The following SCP2 variants were observed in gnomAD, a reference collection of about 807,000 sequenced individuals.
The protein encoded by SCP2 is sterol carrier protein 2.
SCP2 carries 48 observed loss-of-function variants against 71.4 expected under a neutral mutation model. That is an observed-to-expected ratio of 0.67 (90% CI 0.53 to 0.86). SCP2 has a LOEUF of 0.86. Among genes scored for constraint, SCP2 ranks in the 40% least tolerant of loss-of-function variants. SCP2 has a pLI of 0.00. For missense variants in SCP2, 560 were observed against 655.6 expected (o/e 0.85, Z 1.59); for synonymous variants, 220 against 218.1 (o/e 1.01, Z -0.08).
At chr1:52,998,725 C>G (rs1429630831) in intron 11 of SCP2, among the ~76,000 whole-genome samples, 1 of 152,116 alleles carries the variant, frequency 6.6e-6, no homozygotes, top group Non-Finnish European at 1.5e-5. Context: ...GTGCAGATTG[C>G]CAAATTTTCT....
intron 13 of SCP2, among the ~76,000 whole-genome samples, chr1:53,036,163 G>A (rs1662934736): frequency 8.1e-6 from 1 of 123,560 alleles, no homozygotes; most frequent in Admixed American, 7.7e-5. Flanking sequence ...AAATTATGTA[G>A]AATATTATTA....
chr1:52,971,634 C>T lies in SCP2; in HGVS notation c.524-3135C>T, dbSNP rs148257479. Among the ~76,000 whole-genome samples, 231 of 152,218 alleles carry T rather than the reference C, an allele frequency of 1.5e-3. 1 individual carries two copies. The highest frequency in any genetic ancestry group is 5.4e-3 in the African/African-American group (224 of 41,528). On this transcript the variant is annotated intron_variant, in intron 6 of 15. Coordinates refer to ENST00000371514, the MANE Select transcript of SCP2 (RefSeq NM_002979.5). ...TAGGTTCAACAAAGTATGGAACAGC[C>T]CTATAGAAATATGATTGGACAAAAA...
chr1:52,983,343 T>G (rs1350621770), intron 10 of SCP2, among the ~76,000 whole-genome samples: 1 of 152,222 alleles, frequency 6.6e-6, no homozygotes, highest in African/African-American at 2.4e-5. Context: ...TTCTTAAGTC[T>G]GAAAATGCAA....
intron 13 of SCP2, among the ~76,000 whole-genome samples, chr1:53,037,906 A>ACACACACACACACC (rs1553155270): frequency 7.8e-6 from 1 of 127,534 alleles, no homozygotes; most frequent in African/African-American, 3.3e-5. Context: ...ACACACACAC[A>ACACACACACACACC]CACACACACA....
intron 15 of SCP2, 87 bp downstream of exon 15, chr1:53,048,024 A>C: frequency 1.1e-6 from 1 of 926,614 alleles, no homozygotes. Flanking sequence ...CTAAAGTGCA[A>C]AGTGGTCAGA....
At chr1:53,032,075 T>C (rs900400038) in intron 13 of SCP2, among the ~76,000 whole-genome samples, 1 of 152,210 alleles carries the variant, frequency 6.6e-6, no homozygotes, top group Non-Finnish European at 1.5e-5. Context: ...CCTATATTAT[T>C]TCTACAGAAC....
chr1:52,950,629 T>C, intron 3 of SCP2, 126 bp from the exon 4 acceptor site: 2 of 739,568 alleles, frequency 2.7e-6, no homozygotes, highest in East Asian at 2.7e-5. Flanking sequence ...GTTTCTAAGA[T>C]ATTTACTGTC....
intron 5 of SCP2, among the ~76,000 whole-genome samples, chr1:52,955,191 T>C (rs1655687147): frequency 6.6e-6 from 1 of 152,142 alleles, no homozygotes; most frequent in Admixed American, 6.5e-5. Flanking sequence ...GGATAGAATA[T>C]GAAAAAAGAA....
At chr1:52,957,067 G>A (rs187618889) in intron 5 of SCP2, among the ~76,000 whole-genome samples, 424 of 152,018 alleles carry the variant, frequency 2.8e-3, no homozygotes, top group Non-Finnish European at 4.8e-3. Flanking sequence ...CCGCCACCAC[G>A]CCTGGCTAAT....
chr1:53,000,463 TGGCCTTTTA>T (rs1660243371), intron 11 of SCP2, among the ~76,000 whole-genome samples: 1 of 152,210 alleles, frequency 6.6e-6, no homozygotes, highest in Non-Finnish European at 1.5e-5. Context: ...TAGTTCAGCC[TGGCCTTTTA>T]GGCCTTTTAG....
chr1:52,994,845 C>T (rs1463892021), intron 11 of SCP2: 5 of 505,488 alleles, frequency 9.9e-6, no homozygotes, highest in South Asian at 1.7e-5. Flanking sequence ...ATGGGGACAG[C>T]GACCTGCAGC....
At chr1:53,013,421 TAAAAAAAAA>T (rs776237493) in intron 11 of SCP2, among the ~76,000 whole-genome samples, 1 of 117,216 alleles carries the variant, frequency 8.5e-6, no homozygotes, top group Non-Finnish European at 1.7e-5. Context: ...CCGTCTCTAC[TAAAAAAAAA>T]AAAAAAAAAA....
chr1:52,966,136 A>G (rs1481273923), intron 6 of SCP2, among the ~76,000 whole-genome samples: 3 of 152,142 alleles, frequency 2.0e-5, no homozygotes, highest in Non-Finnish European at 4.4e-5. Flanking sequence ...ATCTAATTGT[A>G]TTTGCAAATA....
intron 2 of SCP2, among the ~76,000 whole-genome samples, chr1:52,945,957 C>T (rs190723748): frequency 6.6e-6 from 1 of 150,880 alleles, no homozygotes; most frequent in Admixed American, 6.6e-5. Context: ...GAGACATGGT[C>T]TCCCTCTGTT....
chr1:53,014,409 G>C (rs1404250276), intron 11 of SCP2, among the ~76,000 whole-genome samples: 2 of 152,004 alleles, frequency 1.3e-5, no homozygotes, highest in East Asian at 1.9e-4. Flanking sequence ...TATTATTCAG[G>C]GGACAGAATG....
At chr1:53,044,204 C>G (rs1663631774) in intron 14 of SCP2, among the ~76,000 whole-genome samples, 1 of 152,034 alleles carries the variant, frequency 6.6e-6, no homozygotes. Flanking sequence ...ATTACAGGCA[C>G]CTGCCACCAT....
chr1:53,002,614 A>G (rs192400082), intron 11 of SCP2, among the ~76,000 whole-genome samples: 1 of 152,344 alleles, frequency 6.6e-6, no homozygotes, highest in East Asian at 1.9e-4. Context: ...TGATGAATTC[A>G]TAGATCCTTT....
intron 6 of SCP2, among the ~76,000 whole-genome samples, chr1:52,964,197 AT>A (rs1476612356): frequency 6.8e-6 from 1 of 147,760 alleles, no homozygotes; most frequent in Non-Finnish European, 1.5e-5. Context: ...GGTTTGTCAA[AT>A]TTTTTTCTTT....
intron 1 of SCP2, among the ~76,000 whole-genome samples, chr1:52,933,051 A>G (rs761150431): frequency 8.5e-5 from 13 of 152,226 alleles, no homozygotes; most frequent in Non-Finnish European, 1.5e-4. Flanking sequence ...TTACATCCAT[A>G]CCATTGTGAT....
Sources: gnomAD v4.1 joint callset for allele counts (sites outside exome capture counted in the v4.1 genomes callset) on GRCh38, gnomAD v4.1.1 for gene constraint, MANE v1.5 for transcripts, NCBI Gene and HGNC (gene_info 2026-07-23, HGNC 2026-07-21) for gene names.